Variants in CRYAB observed in about 807,000 individuals in gnomAD.
CRYAB encodes alpha-crystallin B chain.
A neutral mutation model predicts 12.7 loss-of-function variants in CRYAB; 9 were observed. That is an observed-to-expected ratio of 0.71 (90% CI 0.43 to 1.24). CRYAB has a LOEUF of 1.24. Among genes scored for constraint, CRYAB ranks in the 50% most tolerant of loss-of-function variants. The pLI, the probability that CRYAB is intolerant of heterozygous loss-of-function variation, is 0.00. For synonymous variants in CRYAB, 93 were observed against 86.8 expected (o/e 1.07, Z -0.40); for missense variants, 183 against 226.6 (o/e 0.81, Z 1.24).
chr11:111,914,736 A>G (rs587771472), upstream of CRYAB, among the ~76,000 whole-genome samples: 76 of 152,296 alleles, frequency 5.0e-4, no homozygotes, highest in African/African-American at 1.7e-3. Flanking sequence ...CTCCAAATAC[A>G]TATTTCATTA....
chr11:111,919,291 G>C (rs587641964), intron 1 of CRYAB: 12 of 382,156 alleles, frequency 3.1e-5, no homozygotes, highest in African/African-American at 2.2e-4. Flanking sequence ...TAGCCAACAT[G>C]GTGAAACCCC....
chr11:111,912,338 C>G (rs1246288100), upstream of CRYAB: 2 of 187,210 alleles, frequency 1.1e-5, 1 homozygote. Context: ...GACCCCACCC[C>G]CTGAAAAAAG....
intron 1 of CRYAB, among the ~76,000 whole-genome samples, chr11:111,919,705 C>G (rs188029389): frequency 2.2e-3 from 334 of 152,144 alleles, no homozygotes; most frequent in Non-Finnish European, 3.7e-3. Context: ...ATGGTTTTGC[C>G]CCTCCTCCTA....
upstream of CRYAB, chr11:111,912,873 A>G (rs1555165761): frequency 1.2e-6 from 2 of 1,609,874 alleles, no homozygotes; most frequent in Non-Finnish European, 8.5e-7. Context: ...GCCACCGCCG[A>G]GTACGAATTT....
At chr11:111,914,847 A>G (rs373346613), upstream of CRYAB, among the ~76,000 whole-genome samples, 44 of 152,298 alleles carry the variant, frequency 2.9e-4, no homozygotes, top group East Asian at 6.7e-3. Flanking sequence ...AGGCCGAGGC[A>G]GGAGGATCAC....
chr11:111,912,948 G>GGGCCC, upstream of CRYAB: 1 of 1,352,840 alleles, frequency 7.4e-7, no homozygotes. Flanking sequence ...CCACCCCCTT[G>GGGCCC]CCCCCCACCC....
intron 1 of CRYAB, chr11:111,911,003 T>C (rs1050648655): frequency 2.4e-4 from 56 of 229,366 alleles, no homozygotes; most frequent in African/African-American, 1.3e-3. Context: ...TGGGCGTCCC[T>C]ATATTGTTTC....
upstream of CRYAB, among the ~76,000 whole-genome samples, chr11:111,915,824 C>T (rs1263106889): frequency 1.3e-5 from 2 of 152,110 alleles, no homozygotes; most frequent in African/African-American, 4.8e-5. Flanking sequence ...CTCACTGCAG[C>T]CTCAACCTCC....
upstream of CRYAB, chr11:111,912,681 T>TCC (rs201659950): frequency 4.4e-4 from 101 of 229,376 alleles, no homozygotes; most frequent in African/African-American, 9.0e-4. Flanking sequence ...TCCCAGCCCC[T>TCC]CCCCCCCCAA....
intron 1 of CRYAB, among the ~76,000 whole-genome samples, chr11:111,920,012 G>A (rs902665884): frequency 1.3e-5 from 2 of 151,920 alleles, no homozygotes; most frequent in African/African-American, 2.4e-5. Flanking sequence ...TGGCTAACAC[G>A]GTGAAACCCC....
At chr11:111,915,183 A>G (rs1185032660), upstream of CRYAB, among the ~76,000 whole-genome samples, 1 of 152,222 alleles carries the variant, frequency 6.6e-6, no homozygotes, top group Non-Finnish European at 1.5e-5. Flanking sequence ...AGAAAAATAC[A>G]TATGCTCCCA....
rs587764038 is a variant in CRYAB, at chr11:111,923,337, C to G, written c.-199+366G>C. 1.2e-3 allele frequency among the ~76,000 whole-genome samples: 176 copies of G among 152,302 alleles called. 1 individual carries two copies. Among genetic ancestry groups the G allele is most frequent in the African/African-American group, 3.8e-3 (158 of 41,560 alleles). On this transcript the variant is annotated intron_variant, in intron 1 of 3. Transcript: ENST00000527950. ...AAAAATCACATCAAAACAGAAACCTCTGTCAAATATGTGTGGAAAAATCCT... is the reference window on the plus strand; with the variant it reads ...AAAAATCACATCAAAACAGAAACCTGTGTCAAATATGTGTGGAAAAATCCT...
chr11:111,922,599 A>G lies in CRYAB; in HGVS notation c.-199+1104T>C, dbSNP rs141501177. On this transcript the variant is annotated intron_variant, in intron 1 of 3. Transcript: ENST00000527950. ...ATACCTTTTTACTAACTTAATAAAA[A>G]GTAAAATTTTCCATGATGTTCGGTG... 1.8e-3 allele frequency among the ~76,000 whole-genome samples: 280 copies of G among 152,354 alleles called. 1 individual carries two copies. Among genetic ancestry groups the G allele is most frequent in the South Asian group, 0.012 (58 of 4,828 alleles).
At chr11:111,913,713 C>T, upstream of CRYAB, 1 of 1,614,198 alleles carries the variant, frequency 6.2e-7, no homozygotes, top group South Asian at 1.1e-5. Context: ...CACCTATGTC[C>T]TGCCTGCTGA....
upstream of CRYAB, chr11:111,912,755 C>T: frequency 1.7e-6 from 2 of 1,191,444 alleles, no homozygotes; most frequent in Non-Finnish European, 2.4e-6. Context: ...CCCTGGCTCT[C>T]CGGGCAGCTG....
chr11:111,909,297 A>T (rs900495180), intron 2 of CRYAB: 2 of 463,108 alleles, frequency 4.3e-6, no homozygotes, highest in Non-Finnish European at 8.6e-6. Flanking sequence ...TTAGAATCTG[A>T]GTCCCTGAGG....
chr11:111,917,186 T>A (rs1162008248), upstream of CRYAB, among the ~76,000 whole-genome samples: 1 of 152,182 alleles, frequency 6.6e-6, no homozygotes, highest in African/African-American at 2.4e-5. Flanking sequence ...TAGGTGCTTT[T>A]TAAAACATTA....
At chr11:111,922,769 G>A (rs1315878179) in intron 1 of CRYAB, among the ~76,000 whole-genome samples, 1 of 152,044 alleles carries the variant, frequency 6.6e-6, no homozygotes. Context: ...ATCCATATTT[G>A]TACATGTATA....
chr11:111,910,070 T>A (rs547526303), intron 2 of CRYAB: 1 of 642,780 alleles, frequency 1.6e-6, no homozygotes, highest in East Asian at 2.7e-5. Flanking sequence ...TCAGAACCAC[T>A]GGCTTAAATG....
Sources: gnomAD v4.1 joint callset for allele counts (sites outside exome capture counted in the v4.1 genomes callset) on GRCh38, gnomAD v4.1.1 for gene constraint, MANE v1.5 for transcripts, NCBI Gene and HGNC (gene_info 2026-07-23, HGNC 2026-07-21) for gene names.